Variants in MEMO1 observed in about 807,000 individuals in gnomAD.
The protein encoded by MEMO1 is protein MEMO1.
Under a neutral mutation model 45.2 loss-of-function variants are expected in MEMO1, and 6 were observed. The ratio of observed to expected loss-of-function variants is 0.13; its 90% confidence interval spans 0.07 to 0.26. The LOEUF is 0.26. MEMO1 is among the 10% of genes least tolerant of loss of function. MEMO1 has a pLI of 1.00. For missense variants in MEMO1, 184 were observed against 370.5 expected, an observed-to-expected ratio of 0.50 and a Z score of 4.13; for synonymous variants, 78 against 124.3, an observed-to-expected ratio of 0.63 and a Z score of 2.48.
chr2:31,882,592 A>C (rs899633911), intron 8 of MEMO1, among the ~76,000 whole-genome samples: 25 of 152,320 alleles, frequency 1.6e-4, no homozygotes, highest in African/African-American at 6.0e-4. Flanking sequence ...TAATAAAAAT[A>C]AATTAACAAA....
chr2:31,923,126 G>A (rs1205497996), intron 4 of MEMO1, among the ~76,000 whole-genome samples: 1 of 151,896 alleles, frequency 6.6e-6, no homozygotes, highest in African/African-American at 2.4e-5. Context: ...CCACAACCTT[G>A]CCAGCATCTG....
Position 31,977,365 on chromosome 2 carries a change from T to C in MEMO1, c.61+32822A>G, listed in dbSNP as rs572483727. ...TATTTACAAGAGTAACATTCAATCA[T>C]GTGCACTGTATAGTTTAAGCAACAT... On this transcript the variant is annotated intron_variant, in intron 2 of 9. Coordinates refer to ENST00000404530, the MANE Select transcript of MEMO1 (RefSeq NM_001301833.4). 9.8e-5 allele frequency among the ~76,000 whole-genome samples: 15 copies of C among 152,308 alleles called. No homozygotes were observed. The East Asian group carries it at 2.9e-3, about 29-fold the overall frequency.
intron 2 of MEMO1, among the ~76,000 whole-genome samples, chr2:31,954,234 G>A (rs1055018868): frequency 1.3e-5 from 2 of 152,082 alleles, no homozygotes; most frequent in African/African-American, 4.8e-5. Context: ...ATGTTTACAC[G>A]CTCCTGCCTT....
intron 2 of MEMO1, among the ~76,000 whole-genome samples, chr2:31,997,339 T>C (rs932761214): frequency 6.6e-6 from 1 of 152,124 alleles, no homozygotes; most frequent in Non-Finnish European, 1.5e-5. Flanking sequence ...ACTCAGAGAA[T>C]ATACGCACTA....
At chr2:31,977,786 A>C (rs1670178937) in intron 2 of MEMO1, among the ~76,000 whole-genome samples, 1 of 152,074 alleles carries the variant, frequency 6.6e-6, no homozygotes, top group African/African-American at 2.4e-5. Flanking sequence ...AGCCTCCCAA[A>C]ATGATGGGAT....
At chr2:31,963,920 AAG>A (rs1277255005) in intron 2 of MEMO1, among the ~76,000 whole-genome samples, 8 of 152,228 alleles carry the variant, frequency 5.3e-5, no homozygotes, top group African/African-American at 1.9e-4. Flanking sequence ...ATACCAAAAA[AAG>A]AATGCAATAT....
intron 3 of MEMO1, among the ~76,000 whole-genome samples, chr2:31,939,594 T>C (rs557298585): frequency 2.6e-5 from 4 of 152,312 alleles, no homozygotes; most frequent in South Asian, 4.1e-4. Context: ...CATACCATAA[T>C]AGTCAAATAC....
chr2:31,959,832 A>T (rs1352801944), intron 2 of MEMO1, among the ~76,000 whole-genome samples: 1 of 152,226 alleles, frequency 6.6e-6, no homozygotes, highest in African/African-American at 2.4e-5. Context: ...ATGTCACGGG[A>T]AAGTCAGTAT....
At chr2:32,009,902 G>A (rs1420502300) in intron 2 of MEMO1, among the ~76,000 whole-genome samples, 1 of 151,994 alleles carries the variant, frequency 6.6e-6, no homozygotes, top group Non-Finnish European at 1.5e-5. Context: ...TGGTCCTGAG[G>A]GAGGGCGCAG....
intron 6 of MEMO1, among the ~76,000 whole-genome samples, chr2:31,897,859 T>C (rs1005105168): frequency 1.3e-5 from 2 of 151,786 alleles, no homozygotes; most frequent in Admixed American, 6.6e-5. Context: ...GGCTTTTTGG[T>C]TGGTAGGCTA....
At position 31,979,052 on chromosome 2, in the gene MEMO1, AC is replaced by A. The variant is rs367941921; in HGVS notation, c.61+31134del. ...TTTATAAAGAAAACAGGTTTAATTG[AC>A]TCACAGGTCCACATGGCTGGGGAGG... On this transcript the variant is annotated intron_variant, in intron 2 of 9. Transcript: ENST00000404530. Among the ~76,000 whole-genome samples, 1,472 of 152,262 alleles carry A rather than the reference AC, an allele frequency of 9.7e-3. 25 individuals are homozygous for A. Among genetic ancestry groups the A allele is most frequent in the South Asian group, 0.047 (228 of 4,828 alleles).
In MEMO1 at chr2:31,933,336, A is replaced by T. The variant is rs1558514061; in HGVS notation, c.144-1201T>A. 1.5e-3 allele frequency among the ~76,000 whole-genome samples: 88 copies of T among 57,440 alleles called. 1 individual carries two copies. The highest frequency in any genetic ancestry group is 6.7e-3 in the African/African-American group (84 of 12,626). The allele number at this position is 57,440 out of a possible 152,430, so 37.7% of individuals were successfully genotyped here. The stretch of plus-strand genomic sequence containing the variant: ...CCTCTTTAAAAAAAAAAAAAAAAAA[A>T]AAAAAAAAAAAAATTTATATATATA... On this transcript the variant is annotated intron_variant, in intron 3 of 9. Transcript: ENST00000404530.
chr2:31,963,656 T>C (rs927788086), intron 2 of MEMO1, among the ~76,000 whole-genome samples: 8 of 152,164 alleles, frequency 5.3e-5, no homozygotes, highest in Admixed American at 5.2e-4. Flanking sequence ...GGATAAAATA[T>C]CACCACTTTG....
At chr2:31,948,410 C>G (rs1440597922) in intron 2 of MEMO1, among the ~76,000 whole-genome samples, 1 of 152,126 alleles carries the variant, frequency 6.6e-6, no homozygotes, top group African/African-American at 2.4e-5. Context: ...TATAAGGTAA[C>G]AAGAAGCAAC....
At chr2:31,982,542 T>C (rs764135133) in intron 2 of MEMO1, among the ~76,000 whole-genome samples, 5 of 140,790 alleles carry the variant, frequency 3.6e-5, no homozygotes, top group Non-Finnish European at 7.5e-5. Flanking sequence ...GTGAGCAAGA[T>C]CGCGCCACTG....
intron 2 of MEMO1, among the ~76,000 whole-genome samples, chr2:31,967,046 T>C (rs759441477): frequency 1.3e-5 from 2 of 152,062 alleles, no homozygotes; most frequent in Non-Finnish European, 2.9e-5. Flanking sequence ...GTTATTGACA[T>C]AATTTCATTA....
At chr2:31,919,155 T>C (rs533331200) in intron 5 of MEMO1, among the ~76,000 whole-genome samples, 1 of 151,638 alleles carries the variant, frequency 6.6e-6, no homozygotes, top group Non-Finnish European at 1.5e-5. Context: ...GAGACAGGGC[T>C]TCACCCTGTC....
intron 8 of MEMO1, among the ~76,000 whole-genome samples, chr2:31,871,117 G>A (rs895857933): frequency 2.6e-5 from 4 of 151,922 alleles, no homozygotes; most frequent in Non-Finnish European, 2.9e-5. Flanking sequence ...TCACCAAGTC[G>A]GGGAAATAAA....
At chr2:31,909,151 A>G (rs908022766) in intron 6 of MEMO1, among the ~76,000 whole-genome samples, 1 of 152,202 alleles carries the variant, frequency 6.6e-6, no homozygotes, top group African/African-American at 2.4e-5. Context: ...CACAGCTAAT[A>G]TCACAATGAA....
Sources: allele counts gnomAD v4.1 joint callset (sites outside exome capture counted in the v4.1 genomes callset), GRCh38; gene constraint gnomAD v4.1.1; transcripts MANE v1.5; gene names NCBI Gene and HGNC (gene_info 2026-07-23, HGNC 2026-07-21).